MYO3B: variants seen among roughly 807,000 people sequenced by gnomAD.
The protein encoded by MYO3B is myosin-IIIb.
Under a neutral mutation model 174.6 loss-of-function variants are expected in MYO3B, and 156 were observed. The observed-to-expected ratio is 0.89, with a 90% CI of 0.78 to 1.02. The LOEUF (loss-of-function observed/expected upper bound fraction) is 1.02. Among genes scored for constraint, MYO3B ranks in the 50% least tolerant of loss-of-function variants. The pLI is 0.00. For missense variants in MYO3B, 1,632 were observed against 1,639.4 expected, an observed-to-expected ratio of 1.00 and a Z score of 0.08; for synonymous variants, 563 against 569.1, an observed-to-expected ratio of 0.99 and a Z score of 0.15.
At chr2:170,263,570 A>G (rs1464566271) in intron 7 of MYO3B, among the ~76,000 whole-genome samples, 1 of 152,138 alleles carries the variant, frequency 6.6e-6, no homozygotes. Context: ...TGTGTCATAA[A>G]CAAGGTTAAG....
intron 6 of MYO3B, among the ~76,000 whole-genome samples, chr2:170,219,945 A>G (rs1202854776): frequency 6.6e-6 from 1 of 152,154 alleles, no homozygotes; most frequent in Non-Finnish European, 1.5e-5. Context: ...TTATGTATAA[A>G]TGGCTTTGTA....
chr2:170,418,082 G>A (rs888873783), intron 22 of MYO3B, among the ~76,000 whole-genome samples: 8 of 152,156 alleles, frequency 5.3e-5, no homozygotes, highest in Non-Finnish European at 8.8e-5. Flanking sequence ...CAGTCCAGTG[G>A]GTGTGCAGGA....
intron 25 of MYO3B, among the ~76,000 whole-genome samples, chr2:170,478,662 A>G (rs1685471759): frequency 6.7e-6 from 1 of 148,462 alleles, no homozygotes; most frequent in Non-Finnish European, 1.5e-5. Flanking sequence ...TCCGCCTCCC[A>G]GGTTCAAGTG....
chr2:170,235,938 A>G, intron 6 of MYO3B, 53 bp from the exon 7 acceptor site: 1 of 1,606,342 alleles, frequency 6.2e-7, no homozygotes, highest in East Asian at 2.2e-5. Flanking sequence ...CCTTTTTAGG[A>G]CATCTGATGT....
intron 12 of MYO3B, 176 bp downstream of exon 12, chr2:170,383,990 C>T (rs1366739711): frequency 7.4e-6 from 4 of 538,276 alleles, no homozygotes; most frequent in Non-Finnish European, 1.3e-5. Flanking sequence ...GCCATAGCAT[C>T]GGGAGAATGT....
At chr2:170,638,396 T>G (rs991177216) in intron 32 of MYO3B, among the ~76,000 whole-genome samples, 2 of 152,232 alleles carry the variant, frequency 1.3e-5, no homozygotes, top group Non-Finnish European at 2.9e-5. Flanking sequence ...TTTGAATGAA[T>G]GAATCATGTT....
At chr2:170,309,586 G>A (rs573254774) in intron 7 of MYO3B, among the ~76,000 whole-genome samples, 1 of 152,264 alleles carries the variant, frequency 6.6e-6, no homozygotes, top group East Asian at 1.9e-4. Flanking sequence ...GATGAAGTCT[G>A]TCTTGGCTGC....
chr2:170,401,264 T>C (rs951091658), intron 17 of MYO3B, among the ~76,000 whole-genome samples: 1 of 152,212 alleles, frequency 6.6e-6, no homozygotes, highest in African/African-American at 2.4e-5. Flanking sequence ...CTTCCTTTTT[T>C]TTCATCAAGC....
intron 24 of MYO3B, 140 bp downstream of exon 24, chr2:170,463,585 G>A: frequency 1.4e-6 from 1 of 722,586 alleles, no homozygotes; most frequent in Non-Finnish European, 2.3e-6. Context: ...AGTGGTGGAA[G>A]CAAGGAAGGA....
At chr2:170,443,435 G>A (rs541055819) in intron 22 of MYO3B, among the ~76,000 whole-genome samples, 110 of 152,270 alleles carry the variant, frequency 7.2e-4, no homozygotes, top group African/African-American at 2.6e-3. Flanking sequence ...CTCCCATTCT[G>A]TAGGTTGCCT....
At chr2:170,551,352 ATTT>A (rs1290166356) in intron 32 of MYO3B, among the ~76,000 whole-genome samples, 1 of 103,236 alleles carries the variant, frequency 9.7e-6, no homozygotes, top group African/African-American at 3.7e-5. Context: ...TAATTTAATT[ATTT>A]ATTTATTTAT....
At chr2:170,357,367 AT>A (rs2094130383) in intron 8 of MYO3B, among the ~76,000 whole-genome samples, 1 of 143,918 alleles carries the variant, frequency 6.9e-6, no homozygotes, top group African/African-American at 2.5e-5. Flanking sequence ...TATATTATAT[AT>A]TTATATGTGT....
chr2:170,475,106 C>A (rs961000118), intron 25 of MYO3B, among the ~76,000 whole-genome samples: 1 of 152,138 alleles, frequency 6.6e-6, no homozygotes, highest in Admixed American at 6.5e-5. Flanking sequence ...TCTATTCTGG[C>A]CCAGTTTGAA....
chr2:170,568,249 C>G (rs1692202117), intron 32 of MYO3B, among the ~76,000 whole-genome samples: 1 of 152,200 alleles, frequency 6.6e-6, no homozygotes, highest in Non-Finnish European at 1.5e-5. Flanking sequence ...TAAACAGAGG[C>G]AGAAAGAGTG....
intron 25 of MYO3B, among the ~76,000 whole-genome samples, chr2:170,484,095 A>G (rs1417902531): frequency 6.6e-6 from 1 of 152,226 alleles, no homozygotes; most frequent in Non-Finnish European, 1.5e-5. Flanking sequence ...GAAGAGAAAA[A>G]TAGATTTTTC....
chr2:170,226,468 CG>C (rs1559315490), intron 6 of MYO3B, among the ~76,000 whole-genome samples: 3 of 152,190 alleles, frequency 2.0e-5, no homozygotes, highest in Non-Finnish European at 1.5e-5. Flanking sequence ...ACAACCCAGA[CG>C]CTCAGTGTTC....
intron 32 of MYO3B, among the ~76,000 whole-genome samples, chr2:170,625,305 G>C (rs1353908631): frequency 1.3e-5 from 2 of 152,156 alleles, no homozygotes; most frequent in Non-Finnish European, 2.9e-5. Context: ...GAGGGTATAT[G>C]TGTGGAGGTA....
rs1435261266 is a variant in MYO3B at position 170,236,043 on chromosome 2, T to A, written c.656T>A (p.Val219Asp). Residue 219 changes from valine (V) to aspartate (D), a missense_variant, in exon 7 of 35, where the codon GTC (valine) becomes GAC (aspartate). Val to Asp is a radical substitution (Grantham distance 152). Coordinates refer to ENST00000408978, the MANE Select transcript of MYO3B (RefSeq NM_138995.5). The part of the protein sequence containing the change: ...YDSSYDARCD[V>D]WSLGITAIEL... ...TCTTCCTATGACGCTCGCTGTGACG[T>A]CTGGTCCTTGGGGATCACAGCTATT... 1 of 1,613,940 alleles carries A rather than the reference T, an allele frequency of 6.2e-7. No individual in the cohort carries two copies. The highest frequency in any genetic ancestry group is 8.5e-7 in the Non-Finnish European group (1 of 1,180,030).
Position 170,407,862 on chromosome 2 carries a change from G to C in MYO3B, c.2650+18G>C, listed in dbSNP as rs568766337. 1 of 1,613,586 alleles carries C rather than the reference G, an allele frequency of 6.2e-7. No individual in the cohort carries two copies. The highest frequency in any genetic ancestry group is 2.2e-5 in the East Asian group (1 of 44,860). On this transcript the variant is annotated intron_variant, in intron 22 of 34. Transcript: ENST00000408978. ...CAAAACAGGTACTTGGGAACCCTCT[G>C]ATAGCCCTGCTCTTAAAGCTTTTGC...
Sources: allele counts gnomAD v4.1 joint callset (sites outside exome capture counted in the v4.1 genomes callset), GRCh38; gene constraint gnomAD v4.1.1; transcripts MANE v1.5; gene names NCBI Gene and HGNC (gene_info 2026-07-23, HGNC 2026-07-21).